Variants in PDXDC1 observed in about 807,000 individuals in gnomAD.
PDXDC1 encodes pyridoxal dependent decarboxylase domain containing 1.
Under a neutral mutation model 100.1 loss-of-function variants are expected in PDXDC1, and 42 were observed. The ratio of observed to expected loss-of-function variants is 0.42; its 90% confidence interval spans 0.33 to 0.54. The LOEUF (loss-of-function observed/expected upper bound fraction) is 0.54. Ranked by LOEUF, PDXDC1 falls within the 20% of genes least tolerant of loss-of-function variation. The probability of loss-of-function intolerance (pLI) is 0.10; values close to 1 mark genes in which losing one functional copy is unlikely to be tolerated. For synonymous variants in PDXDC1, 260 were observed against 371.7 expected, an observed-to-expected ratio of 0.70 and a Z score of 3.46; for missense variants, 636 against 979.2, an observed-to-expected ratio of 0.65 and a Z score of 4.68.
chr16:15,055,363 C>A (rs536467427), intron 16 of PDXDC1, among the ~76,000 whole-genome samples: 2 of 152,326 alleles, frequency 1.3e-5, no homozygotes, highest in East Asian at 3.9e-4. Flanking sequence ...AAAAATAACT[C>A]GGCGCCCTAC....
rs1057195279 is a variant in PDXDC1 at position 15,133,754 on chromosome 16, C to T, written c.1400-5125C>T. 298 of 1,591,706 alleles carry T rather than the reference C, an allele frequency of 1.9e-4. 1 individual carries two copies. Among genetic ancestry groups the T allele is most frequent in the Middle Eastern group, 4.5e-4 (2 of 4,412 alleles). Reference sequence around the variant, plus strand: ...CGGGAGGGCTCCGTGACGTCACAGTCGGGGGATCCCGCTGCTCCCCCTAAG... The same window carrying T: ...CGGGAGGGCTCCGTGACGTCACAGTTGGGGGATCCCGCTGCTCCCCCTAAG... On this transcript the variant is annotated intron_variant, in intron 16 of 16. Coordinates refer to the PDXDC1 transcript ENST00000535621.
chr16:15,092,752 C>T (rs1198209480), intron 16 of PDXDC1: 1 of 636,232 alleles, frequency 1.6e-6, no homozygotes, highest in South Asian at 2.0e-5. Flanking sequence ...CCACTCTTAA[C>T]CAACAATCCT....
intron 16 of PDXDC1, chr16:15,061,748 A>G: frequency 6.2e-7 from 1 of 1,606,818 alleles, no homozygotes; most frequent in Non-Finnish European, 8.5e-7. Flanking sequence ...CTGCCGTCAG[A>G]GGGGACTGGG....
intron 16 of PDXDC1, among the ~76,000 whole-genome samples, chr16:15,103,661 G>A (rs1398670784): frequency 1.9e-3 from 245 of 126,514 alleles, no homozygotes; most frequent in African/African-American, 6.5e-3. Context: ...GCACCATCAC[G>A]CCCAGCTAAT....
downstream of PDXDC1, among the ~76,000 whole-genome samples, chr16:15,142,087 C>A (rs1391917478): frequency 6.6e-6 from 1 of 152,140 alleles, no homozygotes; most frequent in Admixed American, 6.5e-5. Flanking sequence ...GGGAGCAGCT[C>A]CCACCCAGGC....
chr16:15,139,736 G>T (rs1341233040), downstream of PDXDC1, among the ~76,000 whole-genome samples: 6 of 152,136 alleles, frequency 3.9e-5, no homozygotes, highest in Admixed American at 2.6e-4. Flanking sequence ...AGCTATGACT[G>T]TGCCACTGCA....
At chr16:15,042,215 T>A (rs2043848949), downstream of PDXDC1, among the ~76,000 whole-genome samples, 1 of 149,910 alleles carries the variant, frequency 6.7e-6, no homozygotes. Flanking sequence ...AGATGGAGTC[T>A]TGCTCTGTCA....
At chr16:15,144,668 C>T in the PDXDC1 span, among the ~76,000 whole-genome samples, 12 of 152,090 alleles carry the variant, frequency 7.9e-5, no homozygotes, top group Admixed American at 3.3e-4. Context: ...CAGGATGAGA[C>T]GCCGGGGGTG....
chr16:15,140,111 A>AG (rs2048443028), downstream of PDXDC1, among the ~76,000 whole-genome samples: 1 of 149,792 alleles, frequency 6.7e-6, no homozygotes, highest in South Asian at 2.1e-4. Flanking sequence ...AAAAAAAAAA[A>AG]AAAAAAAGAA....
At chr16:15,046,809 A>G (rs2151712062) in intron 16 of PDXDC1, among the ~76,000 whole-genome samples, 1 of 151,802 alleles carries the variant, frequency 6.6e-6, no homozygotes, top group Non-Finnish European at 1.5e-5. Flanking sequence ...CACAAAGTCA[A>G]GGCTGCAGTA....
intron 16 of PDXDC1, among the ~76,000 whole-genome samples, chr16:15,111,204 C>G (rs2047043688): frequency 6.7e-6 from 1 of 149,184 alleles, no homozygotes; most frequent in African/African-American, 2.4e-5. Context: ...CTCCCGTAAT[C>G]CCAGCACTTT....
Position 15,047,726 on chromosome 16 carries a change from T to C in PDXDC1, c.1399+17670T>C, listed in dbSNP as rs1434489805. On this transcript the variant is annotated intron_variant, in intron 16 of 16. Transcript: ENST00000535621. ...TGACCAGGACACCAGGGAGACACCA[T>C]GCAGACCAGAAAAAAGGTAAGCGGA... The C allele has an allele frequency of 4.6e-5, 43 of 929,808 alleles. 2 individuals carry two copies. Among genetic ancestry groups the C allele is most frequent in the Non-Finnish European group, 6.2e-5 (35 of 564,450 alleles). The allele number at this position is 929,808 out of a possible 1,614,324, so 57.6% of individuals were successfully genotyped here. A position where few individuals can be genotyped will look rare whatever the true frequency, so the allele number is the denominator to read the frequency against.
At chr16:15,079,172 A>C (rs56181684) in intron 16 of PDXDC1, among the ~76,000 whole-genome samples, 98,296 of 151,484 alleles carry the variant, frequency 0.65, 33,743 homozygotes, top group Non-Finnish European at 0.75. Flanking sequence ...CAGGGAGCAA[A>C]GTTGAAGGAT....
intron 16 of PDXDC1, chr16:15,061,768 C>T (rs758064647): frequency 5.0e-6 from 8 of 1,613,860 alleles, no homozygotes; most frequent in Non-Finnish European, 6.8e-6. Context: ...GTTGCATGTA[C>T]AACACGGGTG....
intron 5 of PDXDC1, among the ~76,000 whole-genome samples, chr16:15,006,109 T>A (rs1042569181): frequency 6.6e-6 from 1 of 152,302 alleles, no homozygotes; most frequent in African/African-American, 2.4e-5. Context: ...AACCATGATC[T>A]TCAGGCTTTT....
chr16:15,101,079 T>C (rs2046528732), intron 16 of PDXDC1, among the ~76,000 whole-genome samples: 1 of 152,200 alleles, frequency 6.6e-6, no homozygotes, highest in African/African-American at 2.4e-5. Context: ...AATTTTCTTA[T>C]GTACAAAATG....
intron 16 of PDXDC1, chr16:15,131,736 G>A: frequency 8.8e-7 from 1 of 1,133,380 alleles, no homozygotes; most frequent in Non-Finnish European, 1.2e-6. Flanking sequence ...TCAGTGCAGA[G>A]ACAGGGAGGC....
chr16:15,053,347 G>C (rs186819519), intron 16 of PDXDC1, among the ~76,000 whole-genome samples: 6 of 152,250 alleles, frequency 3.9e-5, no homozygotes, highest in Admixed American at 2.0e-4. Context: ...AGCTTCCACT[G>C]TATGACTTAT....
chr16:15,089,627 C>T (rs1209342760), intron 16 of PDXDC1, among the ~76,000 whole-genome samples: 4 of 151,188 alleles, frequency 2.6e-5, no homozygotes, highest in East Asian at 3.9e-4. Flanking sequence ...GGTGAAACCC[C>T]ACCTCTACTA....
Sources: gnomAD v4.1 joint callset for allele counts (sites outside exome capture counted in the v4.1 genomes callset) on GRCh38, gnomAD v4.1.1 for gene constraint, MANE v1.5 for transcripts, NCBI Gene and HGNC (gene_info 2026-07-23, HGNC 2026-07-21) for gene names.